The following TCERG1L variants were observed in gnomAD, a reference collection of about 807,000 sequenced individuals.
TCERG1L encodes the protein transcription elongation regulator 1 like, also known as transcription elongation regulator 1-like protein.
In TCERG1L, 37 loss-of-function variants were observed where a neutral mutation model predicts 56.3. That is an observed-to-expected ratio of 0.66 (90% confidence interval 0.51 to 0.87). The LOEUF is 0.87. Among genes scored for constraint, TCERG1L ranks in the 40% least tolerant of loss-of-function variants. TCERG1L has a pLI of 0.00. For missense variants in TCERG1L, 799 were observed against 774.2 expected, an observed-to-expected ratio of 1.03 and a Z score of -0.38; for synonymous variants, 324 against 326.3, an observed-to-expected ratio of 0.99 and a Z score of 0.08.
chr10:131,222,608 C>T (rs1293692579), intron 4 of TCERG1L, among the ~76,000 whole-genome samples: 1 of 152,216 alleles, frequency 6.6e-6, no homozygotes, highest in Non-Finnish European at 1.5e-5. Flanking sequence ...TTCACCAAGG[C>T]TCCCTGAACT....
intron 4 of TCERG1L, among the ~76,000 whole-genome samples, chr10:131,186,181 T>G (rs2133457443): frequency 6.6e-6 from 1 of 152,176 alleles, no homozygotes; most frequent in African/African-American, 2.4e-5. Flanking sequence ...AGAAAGCAGG[T>G]TGGTATTGCC....
At position 131,180,496 on chromosome 10, in the gene TCERG1L, G is replaced by A. The variant is rs956221216; in HGVS notation, c.857-13611C>T. ...TATTTTTACGTTCACATTCATTTTC[G>A]GGTACTATCCACTGCTAATATTGTT... On this transcript the variant is annotated intron_variant, in intron 4 of 11. Transcript: ENST00000368642. 5.3e-5 allele frequency among the ~76,000 whole-genome samples: 8 copies of A among 152,102 alleles called. No individual in the cohort carries two copies. The South Asian group carries it at 1.5e-3, about 28-fold the overall frequency.
intron 4 of TCERG1L, among the ~76,000 whole-genome samples, chr10:131,256,538 C>T (rs965255835): frequency 2.0e-5 from 3 of 152,106 alleles, no homozygotes; most frequent in African/African-American, 7.2e-5. Flanking sequence ...CTGGCCTGGA[C>T]AATTCAGTCA....
intron 3 of TCERG1L, among the ~76,000 whole-genome samples, chr10:131,293,178 C>A (rs924447805): frequency 1.3e-5 from 2 of 152,042 alleles, no homozygotes; most frequent in Non-Finnish European, 2.9e-5. Flanking sequence ...ATCGTCAATG[C>A]CTGCCTTTAT....
intron 6 of TCERG1L, among the ~76,000 whole-genome samples, chr10:131,147,443 A>G (rs916424555): frequency 2.0e-5 from 3 of 152,182 alleles, no homozygotes; most frequent in African/African-American, 7.2e-5. Context: ...TGACACTCTG[A>G]CCCCGCGCTG....
chr10:131,141,794 T>G (rs924710664), intron 7 of TCERG1L, among the ~76,000 whole-genome samples: 15 of 152,096 alleles, frequency 9.9e-5, no homozygotes, highest in African/African-American at 3.6e-4. Context: ...CTCCACCAAA[T>G]TCACTGGTGC....
chr10:131,146,412 T>C (rs1180044161), intron 7 of TCERG1L, 94 bp downstream of exon 7: 15 of 1,369,486 alleles, frequency 1.1e-5, no homozygotes, highest in Non-Finnish European at 1.5e-5. Flanking sequence ...ATTTTCAACA[T>C]AACCAAGAAG....
At chr10:131,231,120 C>G (rs1845846859) in intron 4 of TCERG1L, among the ~76,000 whole-genome samples, 1 of 119,030 alleles carries the variant, frequency 8.4e-6, no homozygotes, top group Non-Finnish European at 2.0e-5. Flanking sequence ...GTGAATTGGC[C>G]TCCAAGTGTA....
chr10:131,248,646 C>T (rs978791702), intron 4 of TCERG1L, among the ~76,000 whole-genome samples: 5 of 152,220 alleles, frequency 3.3e-5, no homozygotes, highest in Admixed American at 2.6e-4. Context: ...GGCAGGAACA[C>T]AGGGAATGAG....
At chr10:131,245,959 G>C (rs1846031419) in intron 4 of TCERG1L, among the ~76,000 whole-genome samples, 1 of 152,148 alleles carries the variant, frequency 6.6e-6, no homozygotes, top group African/African-American at 2.4e-5. Flanking sequence ...CAGGGCCCTT[G>C]CTGAGTTGAT....
chr10:131,214,166 A>G (rs1397798438), intron 4 of TCERG1L, among the ~76,000 whole-genome samples: 1 of 152,182 alleles, frequency 6.6e-6, no homozygotes, highest in East Asian at 1.9e-4. Flanking sequence ...AGGGTCCTAG[A>G]GAGCCTGCCC....
At chr10:131,268,130 T>A (rs962648573) in intron 3 of TCERG1L, among the ~76,000 whole-genome samples, 1 of 152,132 alleles carries the variant, frequency 6.6e-6, no homozygotes, top group African/African-American at 2.4e-5. Context: ...GCAGCTGCAG[T>A]GGTGCCCAGG....
intron 5 of TCERG1L, 55 bp downstream of exon 5, chr10:131,166,742 T>G (rs1846034689): frequency 6.5e-7 from 1 of 1,545,890 alleles, no homozygotes; most frequent in African/African-American, 1.4e-5. Context: ...CTGGCCCTGG[T>G]CCTCCACACC....
intron 8 of TCERG1L, among the ~76,000 whole-genome samples, chr10:131,119,973 G>A (rs543388840): frequency 2.6e-5 from 4 of 152,270 alleles, no homozygotes; most frequent in East Asian, 1.9e-4. Context: ...ACCAGGCTAG[G>A]TGCTCCTGAA....
In TCERG1L at chr10:131,282,053, G is replaced by A. The variant is rs1022515517; in HGVS notation, c.671-21609C>T. 2.9e-3 allele frequency among the ~76,000 whole-genome samples: 439 copies of A among 151,194 alleles called. 2 individuals carry two copies. The highest frequency in any genetic ancestry group is 0.01 in the African/African-American group (421 of 41,144). On this transcript the variant is annotated intron_variant, in intron 3 of 11. Coordinates refer to ENST00000368642, the MANE Select transcript of TCERG1L (RefSeq NM_174937.4). ...CGGGAGGCTGAGGCAGGAGAATGGC[G>A]TGAACCCGGGAAGCGGAGCTTGCAG...
At chr10:131,111,941 C>G (rs906361243) in intron 9 of TCERG1L, among the ~76,000 whole-genome samples, 1 of 143,094 alleles carries the variant, frequency 7.0e-6, no homozygotes. Context: ...GCCCTGCCCC[C>G]CAGCCTCTCT....
chr10:131,212,735 A>G (rs1174339182), intron 4 of TCERG1L, among the ~76,000 whole-genome samples: 1 of 152,246 alleles, frequency 6.6e-6, no homozygotes, highest in African/African-American at 2.4e-5. Flanking sequence ...AATAAAACAA[A>G]GAATTAACTT....
intron 3 of TCERG1L, among the ~76,000 whole-genome samples, chr10:131,273,566 T>C (rs573427889): frequency 2.0e-5 from 3 of 152,322 alleles, no homozygotes; most frequent in African/African-American, 7.2e-5. Context: ...CTGACCCCAA[T>C]GGTGGGCCTC....
At chr10:131,192,878 T>C (rs1219230205) in intron 4 of TCERG1L, among the ~76,000 whole-genome samples, 3 of 104,688 alleles carry the variant, frequency 2.9e-5, no homozygotes, top group African/African-American at 1.1e-4. Context: ...TGTGAGGAGC[T>C]GAGGGACAAA....
Sources: gnomAD v4.1 joint callset for allele counts (sites outside exome capture counted in the v4.1 genomes callset) on GRCh38, gnomAD v4.1.1 for gene constraint, MANE v1.5 for transcripts, NCBI Gene and HGNC (gene_info 2026-07-23, HGNC 2026-07-21) for gene names.